The following RNF13 variants were observed in gnomAD, a reference collection of about 807,000 sequenced individuals.
The protein encoded by RNF13 is ring finger protein 13, also known as E3 ubiquitin-protein ligase RNF13.
Under a neutral mutation model 37.7 loss-of-function variants are expected in RNF13, and 19 were observed. The ratio of observed to expected loss-of-function variants is 0.50; its 90% CI spans 0.35 to 0.74. The LOEUF (loss-of-function observed/expected upper bound fraction) is 0.74. RNF13 is among the 30% of genes least tolerant of loss of function. RNF13 has a pLI of 0.01. For synonymous variants in RNF13, 144 were observed against 157.8 expected (o/e 0.91, Z 0.65); for missense variants, 375 against 453.0 (o/e 0.83, Z 1.56).
intron 3 of RNF13, among the ~76,000 whole-genome samples, chr3:149,862,426 T>C (rs74921355): frequency 0.017 from 2,570 of 152,198 alleles, 79 homozygotes; most frequent in African/African-American, 0.058. Flanking sequence ...TCCTTATAGA[T>C]GATCATTATC....
chr3:149,913,059 T>C (rs1717152043), intron 7 of RNF13, among the ~76,000 whole-genome samples: 2 of 152,196 alleles, frequency 1.3e-5, no homozygotes, highest in Non-Finnish European at 2.9e-5. Flanking sequence ...CATATTTTCA[T>C]ATTCAGTACA....
At position 149,895,473 on chromosome 3, in the gene RNF13, GT is replaced by G; in HGVS notation, c.326del (p.Leu109Ter). ...TTTTTTTTTTTTTTTTGCTTTGCAGGTTTTAAATGCACAGAGAGCAGGATAC... is the reference window on the plus strand; with the variant it reads ...TTTTTTTTTTTTTTTTGCTTTGCAGGTTTAAATGCACAGAGAGCAGGATAC... ...RRLDCNFDIK[V>X]LNAQRAGYKA... is the part of the protein sequence containing the mutation. On this transcript the variant is annotated frameshift_variant and splice_region_variant, in exon 5 of 10. Transcript: ENST00000392894. LOFTEE classifies it high-confidence loss of function. 6.7e-7 allele frequency: 1 copy of G among 1,491,274 alleles called. No individual in the cohort carries two copies. Among genetic ancestry groups the G allele is most frequent in the Non-Finnish European group, 9.0e-7 (1 of 1,109,044 alleles). The allele number at this position is 1,491,274 out of a possible 1,614,324, so 92.4% of individuals were successfully genotyped here.
At chr3:149,826,627 A>G (rs1255113258) in intron 1 of RNF13, among the ~76,000 whole-genome samples, 3 of 152,244 alleles carry the variant, frequency 2.0e-5, no homozygotes, top group Non-Finnish European at 4.4e-5. Flanking sequence ...ATATTATGCA[A>G]AATGAAATAG....
intron 1 of RNF13, among the ~76,000 whole-genome samples, chr3:149,842,802 G>T (rs779947610): frequency 6.6e-6 from 1 of 152,060 alleles, no homozygotes; most frequent in Non-Finnish European, 1.5e-5. Context: ...AACAAATTAC[G>T]TATGGAAACC....
chr3:149,850,146 A>T (rs940980601), intron 2 of RNF13, among the ~76,000 whole-genome samples: 5 of 152,016 alleles, frequency 3.3e-5, no homozygotes, highest in Non-Finnish European at 5.9e-5. Context: ...GGCCTGGCTA[A>T]TTTTTGTATT....
intron 4 of RNF13, among the ~76,000 whole-genome samples, chr3:149,882,865 A>C (rs1364039362): frequency 6.6e-6 from 1 of 152,216 alleles, no homozygotes; most frequent in Admixed American, 6.5e-5. Context: ...TATTTAAAAA[A>C]TAATGCCCTC....
intron 3 of RNF13, among the ~76,000 whole-genome samples, chr3:149,854,777 T>C (rs1164500012): frequency 2.0e-5 from 3 of 152,220 alleles, no homozygotes; most frequent in African/African-American, 4.8e-5. Context: ...ATACCCTTTT[T>C]CAGACTGTTT....
intron 4 of RNF13, among the ~76,000 whole-genome samples, chr3:149,880,132 C>G (rs974164111): frequency 6.6e-6 from 1 of 152,186 alleles, no homozygotes; most frequent in Non-Finnish European, 1.5e-5. Flanking sequence ...AGTTACTTTT[C>G]AAGTGCAATG....
intron 1 of RNF13, among the ~76,000 whole-genome samples, chr3:149,834,270 T>C (rs1044329135): frequency 4.8e-4 from 73 of 152,324 alleles, no homozygotes; most frequent in African/African-American, 1.8e-3. Context: ...CTAAACCATA[T>C]ATGGAATCTC....
At chr3:149,933,804 G>A (rs1407457914) in intron 8 of RNF13, among the ~76,000 whole-genome samples, 5 of 151,834 alleles carry the variant, frequency 3.3e-5, no homozygotes, top group South Asian at 2.1e-4. Flanking sequence ...GGCTGGTCTC[G>A]AACTCCTGAC....
intron 3 of RNF13, among the ~76,000 whole-genome samples, chr3:149,859,022 T>C (rs1723945972): frequency 6.6e-6 from 1 of 152,158 alleles, no homozygotes; most frequent in Non-Finnish European, 1.5e-5. Context: ...CTTTGCCTGC[T>C]TTCTTTGCAG....
chr3:149,842,875 C>G (rs1722308134), intron 1 of RNF13, among the ~76,000 whole-genome samples: 2 of 152,174 alleles, frequency 1.3e-5, no homozygotes, highest in African/African-American at 4.8e-5. Context: ...CACAGTATTT[C>G]ATGGACAGCT....
At chr3:149,864,358 A>C (rs1724584121) in intron 3 of RNF13, among the ~76,000 whole-genome samples, 1 of 152,082 alleles carries the variant, frequency 6.6e-6, no homozygotes, top group African/African-American at 2.4e-5. Context: ...TCAGAAACAG[A>C]TGCTGGTGCC....
At chr3:149,838,380 G>A (rs1721846038) in intron 1 of RNF13, among the ~76,000 whole-genome samples, 1 of 152,212 alleles carries the variant, frequency 6.6e-6, no homozygotes, top group African/African-American at 2.4e-5. Context: ...CTTCCACACT[G>A]CCCTAGCAAA....
At chr3:149,959,478 T>G (rs957945666) in intron 8 of RNF13, among the ~76,000 whole-genome samples, 11 of 152,238 alleles carry the variant, frequency 7.2e-5, no homozygotes, top group African/African-American at 2.4e-4. Flanking sequence ...TACCCTTTAT[T>G]GAATACCTAT....
chr3:149,905,733 G>C (rs1005291653), intron 6 of RNF13, among the ~76,000 whole-genome samples: 19 of 151,680 alleles, frequency 1.3e-4, no homozygotes, highest in Admixed American at 1.2e-3. Flanking sequence ...CTTGAAGAAT[G>C]GATCCAATCA....
intron 2 of RNF13, among the ~76,000 whole-genome samples, chr3:149,852,006 G>T (rs1264765896): frequency 6.6e-6 from 1 of 152,056 alleles, no homozygotes; most frequent in Non-Finnish European, 1.5e-5. Flanking sequence ...CATTGAATTT[G>T]GTCTTTTCAG....
intron 3 of RNF13, among the ~76,000 whole-genome samples, chr3:149,868,819 T>C (rs1711641810): frequency 6.6e-6 from 1 of 151,810 alleles, no homozygotes; most frequent in Non-Finnish European, 1.5e-5. Context: ...GTGTATGTCT[T>C]GGGGTAGTCT....
chr3:149,896,121 A>G (rs1715235635), intron 5 of RNF13, among the ~76,000 whole-genome samples: 1 of 152,228 alleles, frequency 6.6e-6, no homozygotes, highest in Non-Finnish European at 1.5e-5. Flanking sequence ...TAAGACACTG[A>G]CTTTGAAGCT....
Sources: gnomAD v4.1 joint callset for allele counts (sites outside exome capture counted in the v4.1 genomes callset) on GRCh38, gnomAD v4.1.1 for gene constraint, MANE v1.5 for transcripts, NCBI Gene and HGNC (gene_info 2026-07-23, HGNC 2026-07-21) for gene names.